Variants in OTOA observed in about 807,000 individuals in gnomAD.
OTOA encodes otoancorin, also known as cancer/testis antigen 108.
Under a neutral mutation model 110.8 loss-of-function variants are expected in OTOA, and 70 were observed. That is an observed-to-expected ratio of 0.63 (90% CI 0.52 to 0.77). The LOEUF (loss-of-function observed/expected upper bound fraction) is 0.77. OTOA is among the 30% of genes least tolerant of loss of function. The pLI is 0.00. For synonymous variants in OTOA, 373 were observed against 431.5 expected (o/e 0.86, Z 1.68); for missense variants, 917 against 1,075.8 (o/e 0.85, Z 2.06).
At chr16:21,718,515 T>G (rs1187486339) in intron 15 of OTOA, among the ~76,000 whole-genome samples, 4 of 152,122 alleles carry the variant, frequency 2.6e-5, no homozygotes, top group African/African-American at 9.7e-5. Flanking sequence ...AGCTCATAAT[T>G]TATTCTGTCT....
chr16:21,686,026 G>A (rs1427906748), intron 7 of OTOA, among the ~76,000 whole-genome samples: 8 of 152,098 alleles, frequency 5.3e-5, no homozygotes. Flanking sequence ...ACAAAAAACA[G>A]GAACAGTTAA....
At chr16:21,675,435 C>T (rs1328309131) in intron 1 of OTOA, among the ~76,000 whole-genome samples, 2 of 147,964 alleles carry the variant, frequency 1.4e-5, no homozygotes, top group East Asian at 2.0e-4. Context: ...GGATTACAGG[C>T]GTGAGCCACT....
intron 1 of OTOA, among the ~76,000 whole-genome samples, chr16:21,676,743 G>C (rs1567361815): frequency 6.6e-6 from 1 of 152,166 alleles, no homozygotes; most frequent in Non-Finnish European, 1.5e-5. Context: ...ATGGATTCTA[G>C]CTGCCTTGAT....
At chr16:21,732,606 A>G (rs935559013) in intron 21 of OTOA, among the ~76,000 whole-genome samples, 6 of 152,200 alleles carry the variant, frequency 3.9e-5, no homozygotes, top group Non-Finnish European at 7.3e-5. Flanking sequence ...TCTTAAAAAA[A>G]TCAACTTCTG....
chr16:21,719,255 C>G, intron 16 of OTOA, 64 bp downstream of exon 16: 1 of 1,599,516 alleles, frequency 6.3e-7, no homozygotes, highest in Non-Finnish European at 8.6e-7. Flanking sequence ...CCAGAGCAGC[C>G]TACTTTTCCA....
At chr16:21,699,926 T>A (rs1164861947) in intron 10 of OTOA, among the ~76,000 whole-genome samples, 1 of 150,348 alleles carries the variant, frequency 6.7e-6, no homozygotes, top group African/African-American at 2.4e-5. Context: ...CTCAAAAAAA[T>A]AAAAATAAAA....
intron 11 of OTOA, among the ~76,000 whole-genome samples, chr16:21,702,785 C>T (rs1254800454): frequency 1.3e-5 from 2 of 152,158 alleles, no homozygotes; most frequent in African/African-American, 4.8e-5. Context: ...AAGTGATTCT[C>T]CTGCCTCAGC....
rs149668552 is a variant in OTOA, at chr16:21,697,799, C to A, written c.764C>A (p.Ala255Glu). 4 of 1,613,878 alleles carry A rather than the reference C, an allele frequency of 2.5e-6. No homozygotes were observed. The highest frequency in any genetic ancestry group is 2.2e-5 in the East Asian group (1 of 44,902). ...GATGACTCTGCTTCATGGGTCAGTG[C>A]GGAACACTTATGGGTTTTGGGCAGA... The part of the protein sequence containing the change: ...ATDDSASWVS[A>E]EHLWVLGRYM... Residue 255 changes from alanine to glutamate, a missense_variant, in exon 10 of 29, where the codon GCG becomes GAG. Coordinates refer to ENST00000646100, the MANE Select transcript of OTOA (RefSeq NM_144672.4).
intron 9 of OTOA, among the ~76,000 whole-genome samples, chr16:21,695,862 T>A (rs1446416962): frequency 8.0e-6 from 1 of 124,772 alleles, no homozygotes; most frequent in Non-Finnish European, 1.6e-5. Flanking sequence ...GATCCTAGAC[T>A]TGAGATATAT....
chr16:21,705,361 G>T, intron 12 of OTOA, 69 bp downstream of exon 12: 3 of 1,609,730 alleles, frequency 1.9e-6, no homozygotes, highest in Non-Finnish European at 2.5e-6. Flanking sequence ...GGGGAGAACA[G>T]CCTAGCTTAG....
intron 25 of OTOA, 137 bp from the exon 26 acceptor site, chr16:21,752,232 A>T: frequency 2.2e-6 from 1 of 451,896 alleles, no homozygotes; most frequent in Non-Finnish European, 4.1e-6. Flanking sequence ...CTAATGGGAT[A>T]AGCTGGATCT....
chr16:21,683,404 C>T (rs955036200), intron 6 of OTOA, among the ~76,000 whole-genome samples: 2 of 152,132 alleles, frequency 1.3e-5, no homozygotes, highest in African/African-American at 4.8e-5. Flanking sequence ...AATAAAAATA[C>T]AGATGTGACT....
intron 12 of OTOA, among the ~76,000 whole-genome samples, chr16:21,708,424 C>T (rs936405105): frequency 6.6e-6 from 1 of 152,142 alleles, no homozygotes; most frequent in African/African-American, 2.4e-5. Context: ...GCCAGGGTCC[C>T]GGTGGTCCCC....
At chr16:21,714,498 CTCTT>C (rs3054131) in intron 13 of OTOA, among the ~76,000 whole-genome samples, 6,645 of 120,774 alleles carry the variant, frequency 0.055, 198 homozygotes, top group Middle Eastern at 0.16. Flanking sequence ...CTCTCTCTCT[CTCTT>C]TCTTTCTTTC....
In OTOA at chr16:21,681,840, C is replaced by T; in HGVS notation, c.267+15C>T. ...CCAGCCTGCAGGTGTGTACCTGAGA[C>T]CCATCTATATGTTCCCATCTCAGTG... On this transcript the variant is annotated intron_variant, in intron 6 of 28. Coordinates refer to ENST00000646100, the MANE Select transcript of OTOA (RefSeq NM_144672.4). 1 of 1,605,494 alleles carries T rather than the reference C, an allele frequency of 6.2e-7. No homozygotes were observed. Among genetic ancestry groups the T allele is most frequent in the Non-Finnish European group, 8.5e-7 (1 of 1,172,186 alleles).
intron 1 of OTOA, among the ~76,000 whole-genome samples, chr16:21,667,803 AT>A (rs938689595): frequency 1.3e-5 from 2 of 152,140 alleles, no homozygotes; most frequent in Non-Finnish European, 2.9e-5. Context: ...ATAAAACTTT[AT>A]TTATAGACAC....
intron 1 of OTOA, among the ~76,000 whole-genome samples, chr16:21,673,029 T>C (rs955428995): frequency 6.6e-6 from 1 of 152,078 alleles, no homozygotes; most frequent in Non-Finnish European, 1.5e-5. Context: ...ATGCCTGTAG[T>C]CTCAGCTTCT....
intron 7 of OTOA, among the ~76,000 whole-genome samples, chr16:21,686,500 C>G (rs1223806311): frequency 6.6e-6 from 1 of 152,000 alleles, no homozygotes; most frequent in Non-Finnish European, 1.5e-5. Flanking sequence ...CCTGTGTTGC[C>G]TAGGCTGGTC....
intron 1 of OTOA, among the ~76,000 whole-genome samples, chr16:21,674,655 T>C (rs1029671710): frequency 1.3e-5 from 2 of 149,580 alleles, no homozygotes; most frequent in Admixed American, 1.3e-4. Context: ...TTTTTTTTTT[T>C]ATTTTAGCCA....
Sources: allele counts gnomAD v4.1 joint callset (sites outside exome capture counted in the v4.1 genomes callset), GRCh38; gene constraint gnomAD v4.1.1; transcripts MANE v1.5; gene names NCBI Gene and HGNC (gene_info 2026-07-23, HGNC 2026-07-21).